CISD3: variants seen among roughly 807,000 people sequenced by gnomAD.
The protein encoded by CISD3 is CDGSH iron-sulfur domain-containing protein 3, mitochondrial.
Under a neutral mutation model 14.1 loss-of-function variants are expected in CISD3, and 11 were observed. The observed-to-expected ratio is 0.78, with a 90% CI of 0.49 to 1.29. The LOEUF (loss-of-function observed/expected upper bound fraction) is 1.29, where lower values mean the gene tolerates loss of function less well. CISD3 is among the 50% of genes most tolerant of loss of function. The probability of loss-of-function intolerance (pLI) is 0.00; values close to 1 mark genes in which losing one functional copy is unlikely to be tolerated. For missense variants in CISD3, 156 were observed against 171.6 expected, an observed-to-expected ratio of 0.91 and a Z score of 0.51; for synonymous variants, 53 against 69.2, an observed-to-expected ratio of 0.77 and a Z score of 1.16.
chr17:38,730,796 G>T lies in CISD3; in HGVS notation c.84+1G>T. ...GCGGCGGGACATCTCCTCCTGGCTG[G>T]TGAGTCCCCCCATCCTCCCCTCCTC... On this transcript the variant is annotated splice_donor_variant, in intron 2 of 3. Coordinates refer to ENST00000613478, the MANE Select transcript of CISD3 (RefSeq NM_001136498.2). LOFTEE classifies it high-confidence loss of function. 1 of 1,551,560 alleles carries T rather than the reference G, an allele frequency of 6.4e-7. No homozygotes were observed. Among genetic ancestry groups the T allele is most frequent in the Non-Finnish European group, 8.7e-7 (1 of 1,146,878 alleles).
In CISD3 at chr17:38,730,580, C is replaced by A. The variant is rs1037346439; in HGVS notation, c.48+174C>A. The A allele has an allele frequency of 3.6e-6, 3 of 828,256 alleles. No homozygotes were observed. In the African/African-American group the frequency reaches 5.1e-5, roughly 14 times the overall value. The allele number at this position is 828,256 out of a possible 1,614,324, so 51.3% of individuals were successfully genotyped here. ...CGAGCGCCAGTCCCTGCCAGGACCT[C>A]CGCAGCCAGCACCTTCTCTTGCGAC... On this transcript the variant is annotated intron_variant, in intron 1 of 3. Coordinates refer to ENST00000613478, the MANE Select transcript of CISD3 (RefSeq NM_001136498.2).
rs1906475950 is a variant in CISD3, at chr17:38,733,955, G to A, written c.*500G>A. The A allele has an allele frequency of 6.4e-6, 1 of 155,142 alleles. No homozygotes were observed. The highest frequency in any genetic ancestry group is 1.4e-5 in the Non-Finnish European group (1 of 70,018). The allele number at this position is 155,142 out of a possible 1,614,324, so 9.6% of individuals were successfully genotyped here. A position where few individuals can be genotyped will look rare whatever the true frequency, so the allele number is the denominator to read the frequency against. ...GATACAGATGTCCCAGGGCAAAGGA[G>A]GGTACAGTCACAGGACCTCAGACAC... On this transcript the variant is annotated 3_prime_UTR_variant, in exon 4 of 4. Coordinates refer to ENST00000613478, the MANE Select transcript of CISD3 (RefSeq NM_001136498.2).
chr17:38,732,150 C>G (rs1403931614), intron 3 of CISD3, among the ~76,000 whole-genome samples: 1 of 152,196 alleles, frequency 6.6e-6, no homozygotes, highest in Non-Finnish European at 1.5e-5. Context: ...TGTTTGCCTC[C>G]CTGGCCCCTT....
In CISD3 at chr17:38,734,091, A is replaced by G. The variant is rs1419697518; in HGVS notation, c.*636A>G. On this transcript the variant is annotated 3_prime_UTR_variant, in exon 4 of 4. Transcript: ENST00000613478. ...CCCGACTCCTCTCAGATCTATGCACACTTGAGGAAATCTCGGTGGGCAGCG... is the reference window on the plus strand; with the variant it reads ...CCCGACTCCTCTCAGATCTATGCACGCTTGAGGAAATCTCGGTGGGCAGCG... 2 of 151,388 alleles carry G rather than the reference A, an allele frequency of 1.3e-5. No individual in the cohort carries two copies. Among genetic ancestry groups the G allele is most frequent in the East Asian group, 3.9e-4 (2 of 5,108 alleles). 9.4% of individuals were successfully genotyped at this position (151,388 alleles called of 1,614,324 possible). A position where few individuals can be genotyped will look rare whatever the true frequency, so the allele number is the denominator to read the frequency against.
chr17:38,735,116 C>A lies in CISD3; in HGVS notation c.*1661C>A. On this transcript the variant is annotated 3_prime_UTR_variant, in exon 4 of 4. Coordinates refer to ENST00000613478, the MANE Select transcript of CISD3 (RefSeq NM_001136498.2). The stretch of plus-strand genomic sequence containing the variant: ...TTATTTATAAAACCCGCCCCCCACC[C>A]CCAAGGTGGGAAGAGCTGGGGAAAG... 1 of 879,456 alleles carries A rather than the reference C, an allele frequency of 1.1e-6. No individual in the cohort carries two copies. Among genetic ancestry groups the A allele is most frequent in the South Asian group, 4.6e-5 (1 of 21,846 alleles). 54.5% of individuals were successfully genotyped at this position (879,456 alleles called of 1,614,324 possible).
chr17:38,733,333 A>G lies in CISD3; in HGVS notation c.262A>G (p.Lys88Glu). 1.9e-6 allele frequency: 3 copies of G among 1,551,718 alleles called. No homozygotes were observed. The highest frequency in any genetic ancestry group is 1.7e-6 in the Non-Finnish European group (2 of 1,146,976). Residue 88 changes from lysine to glutamate, a missense_variant, in exon 4 of 4, where the codon AAG (lysine) becomes GAG (glutamate). Lys to Glu is a moderately conservative substitution (Grantham distance 56, BLOSUM62 1). Transcript: ENST00000613478. Reference sequence around the variant, plus strand: ...CACTGGCCTATCTCCACTCAAGTTCAAGGCCCAAGAGACCCGCATGGTGGC... The same window carrying G: ...CACTGGCCTATCTCCACTCAAGTTCGAGGCCCAAGAGACCCGCATGGTGGC... ...QRTGLSPLKF[K>E]AQETRMVALC...
At position 38,733,260 on chromosome 17, in the gene CISD3, G is replaced by A. The variant is rs564914901; in HGVS notation, c.205-16G>A. ...AGGTGGGGTCAGGTCTTTGACTCCT[G>A]TCTTTCCCCCACCAGCCCTTCTGTG... On this transcript the variant is annotated splice_polypyrimidine_tract_variant and intron_variant, in intron 3 of 3. Transcript: ENST00000613478. The A allele has an allele frequency of 1.3e-3, 1,940 of 1,551,216 alleles. 1 individual carries two copies. The highest frequency in any genetic ancestry group is 1.6e-3 in the Non-Finnish European group (1,833 of 1,146,942).
chr17:38,733,225 C>CTGCCT (rs1224478997), intron 3 of CISD3, 51 bp from the exon 4 acceptor site: 9 of 1,544,082 alleles, frequency 5.8e-6, no homozygotes, highest in Non-Finnish European at 7.9e-6. Context: ...CTGCCCTGCC[C>CTGCCT]TGCCCCAGCA....
chr17:38,733,106 T>G (rs1310344725), intron 3 of CISD3, among the ~76,000 whole-genome samples, 170 bp from the exon 4 acceptor site: 2 of 152,136 alleles, frequency 1.3e-5, no homozygotes, highest in East Asian at 3.9e-4. Context: ...ACTCTACTCT[T>G]ATCACCCCCA....
In CISD3 at chr17:38,735,004, T is replaced by C. The variant is rs1906569716; in HGVS notation, c.*1549T>C. 2.6e-6 allele frequency: 1 copy of C among 380,574 alleles called. No individual in the cohort carries two copies. The highest frequency in any genetic ancestry group is 4.7e-6 in the Non-Finnish European group (1 of 214,382). The allele number at this position is 380,574 out of a possible 1,614,324, so 23.6% of individuals were successfully genotyped here. A position where few individuals can be genotyped will look rare whatever the true frequency, so the allele number is the denominator to read the frequency against. Reference sequence around the variant, plus strand: ...CACATACACACACACATAAAGTTTGTTTCCTGTGGCATTTAAATTAATCTG... The same window carrying C: ...CACATACACACACACATAAAGTTTGCTTCCTGTGGCATTTAAATTAATCTG... On this transcript the variant is annotated 3_prime_UTR_variant, in exon 4 of 4. Coordinates refer to ENST00000613478, the MANE Select transcript of CISD3 (RefSeq NM_001136498.2).
Position 38,735,262 on chromosome 17 carries a change from C to T in CISD3, c.*1807C>T, listed in dbSNP as rs1420454076. On this transcript the variant is annotated 3_prime_UTR_variant, in exon 4 of 4. Coordinates refer to ENST00000613478, the MANE Select transcript of CISD3 (RefSeq NM_001136498.2). Reference sequence around the variant, plus strand: ...GCACGGGAGCGCCGTTGACAGTCATCTTGCGCCCCCTGCTGGTGGAGGATG... The same window carrying T: ...GCACGGGAGCGCCGTTGACAGTCATTTTGCGCCCCCTGCTGGTGGAGGATG... The T allele has an allele frequency of 5.5e-6, 8 of 1,466,208 alleles. No homozygotes were observed. In the South Asian group the frequency reaches 1.1e-4, roughly 20 times the overall value. The allele number at this position is 1,466,208 out of a possible 1,614,324, so 90.8% of individuals were successfully genotyped here.
chr17:38,735,415 G>T lies in CISD3; in HGVS notation c.*1960G>T, dbSNP rs1226495029. ...GGGAACTGGGAGAGCCATGGGATGGGGTGGCTGGGCTGGGCAGGGAGGAGG... is the reference window on the plus strand; with the variant it reads ...GGGAACTGGGAGAGCCATGGGATGGTGTGGCTGGGCTGGGCAGGGAGGAGG... On this transcript the variant is annotated 3_prime_UTR_variant, in exon 4 of 4. Coordinates refer to ENST00000613478, the MANE Select transcript of CISD3 (RefSeq NM_001136498.2). The T allele has an allele frequency of 1.8e-5, 29 of 1,574,662 alleles. No individual in the cohort carries two copies. The highest frequency in any genetic ancestry group is 2.5e-5 in the Non-Finnish European group (29 of 1,159,526).
chr17:38,731,577 C>T (rs1906337516), intron 3 of CISD3, 138 bp downstream of exon 3: 3 of 1,108,188 alleles, frequency 2.7e-6, no homozygotes, highest in Non-Finnish European at 2.6e-6. Flanking sequence ...AACAAAAGGC[C>T]AGTGCCACCA....
intron 2 of CISD3, 132 bp from the exon 3 acceptor site, chr17:38,731,188 G>A: frequency 1.6e-6 from 2 of 1,238,728 alleles, no homozygotes; most frequent in African/African-American, 1.5e-5. Flanking sequence ...TTGTTGGGTG[G>A]CATCAGATCA....
In CISD3 at chr17:38,735,102, A is replaced by G; in HGVS notation, c.*1647A>G. ...ATATATATATATATTTATTTATAAA[A>G]CCCGCCCCCCACCCCCAAGGTGGGA... On this transcript the variant is annotated 3_prime_UTR_variant, in exon 4 of 4. Coordinates refer to ENST00000613478, the MANE Select transcript of CISD3 (RefSeq NM_001136498.2). The G allele has an allele frequency of 1.6e-6, 1 of 632,922 alleles. No homozygotes were observed. The highest frequency in any genetic ancestry group is 2.4e-6 in the Non-Finnish European group (1 of 422,478). 39.2% of individuals were successfully genotyped at this position (632,922 alleles called of 1,614,324 possible). A position where few individuals can be genotyped will look rare whatever the true frequency, so the allele number is the denominator to read the frequency against.
In CISD3 at chr17:38,735,027, CTGGT is replaced by C; in HGVS notation, c.*1577_*1580del. ...TGTTTCCTGTGGCATTTAAATTAAT[CTGGT>C]TGGTCCATAGAAAATAAGTATGTAT... On this transcript the variant is annotated 3_prime_UTR_variant, in exon 4 of 4. Transcript: ENST00000613478. 1 of 402,508 alleles carries C rather than the reference CTGGT, an allele frequency of 2.5e-6. No homozygotes were observed. The highest frequency in any genetic ancestry group is 4.4e-6 in the Non-Finnish European group (1 of 227,484). 24.9% of individuals were successfully genotyped at this position (402,508 alleles called of 1,614,324 possible). A position where few individuals can be genotyped will look rare whatever the true frequency, so the allele number is the denominator to read the frequency against.
rs770193210 is a variant in CISD3 at position 38,735,233 on chromosome 17, G to C, written c.*1778G>C. On this transcript the variant is annotated 3_prime_UTR_variant, in exon 4 of 4. Transcript: ENST00000613478. ...AGAGGGTCCCTGGCCTCAAGTTAAG[G>C]GGGGCACGGGAGCGCCGTTGACAGT... is the stretch of plus-strand genomic sequence containing the variant. 11 of 1,428,530 alleles carry C rather than the reference G, an allele frequency of 7.7e-6. No individual in the cohort carries two copies. In the Admixed American group the frequency reaches 1.4e-4, roughly 18 times the overall value. The allele number at this position is 1,428,530 out of a possible 1,614,324, so 88.5% of individuals were successfully genotyped here.
Position 38,733,456 on chromosome 17 carries a change from G to A in CISD3, c.*1G>A, listed in dbSNP as rs1171129949. 17 of 1,522,306 alleles carry A rather than the reference G, an allele frequency of 1.1e-5. No individual in the cohort carries two copies. The Admixed American group carries it at 2.3e-4, about 20-fold the overall frequency. 94.3% of individuals were successfully genotyped at this position (1,522,306 alleles called of 1,614,324 possible). A position where few individuals can be genotyped will look rare whatever the true frequency, so the allele number is the denominator to read the frequency against. Reference sequence around the variant, plus strand: ...GGCAGAAGTGGGCTCCCCACTCTGAGGGGGCTGCTGCTGTCCAGCCACAGG... The same window carrying A: ...GGCAGAAGTGGGCTCCCCACTCTGAAGGGGCTGCTGCTGTCCAGCCACAGG... On this transcript the variant is annotated 3_prime_UTR_variant, in exon 4 of 4. Transcript: ENST00000613478.
At position 38,731,322 on chromosome 17, in the gene CISD3, C is replaced by T. The variant is rs1374213217; in HGVS notation, c.87C>T (p.Ala29=). The change falls in exon 3 of 4, where the codon GCC becomes GCT. Residue 29 remains alanine (A), a splice_region_variant and synonymous_variant. Coordinates refer to ENST00000613478, the MANE Select transcript of CISD3 (RefSeq NM_001136498.2). ...CCCCTCATCTTCCCTGGCCACAGGC[C>T]CAGTGGTTCCCTAGAACCCCAGCCA... The part of the protein sequence containing the change: ...NPRRDISSWL[A]QWFPRTPARS... 2.6e-6 allele frequency: 4 copies of T among 1,551,228 alleles called. No homozygotes were observed. Among genetic ancestry groups the T allele is most frequent in the Non-Finnish European group, 3.5e-6 (4 of 1,146,940 alleles).
Sources: gnomAD v4.1 joint callset for allele counts (sites outside exome capture counted in the v4.1 genomes callset) on GRCh38, gnomAD v4.1.1 for gene constraint, MANE v1.5 for transcripts, NCBI Gene and HGNC (gene_info 2026-07-23, HGNC 2026-07-21) for gene names.